AUTS2: variants seen among roughly 807,000 people sequenced by gnomAD.
AUTS2 encodes activator of transcription and developmental regulator AUTS2.
Under a neutral mutation model 112.4 loss-of-function variants are expected in AUTS2, and 17 were observed. The ratio of observed to expected loss-of-function variants is 0.15; its 90% CI spans 0.10 to 0.23. The LOEUF is 0.23. Ranked by LOEUF, AUTS2 falls within the 10% of genes least tolerant of loss-of-function variation. The pLI is 1.00. For missense variants in AUTS2, 1,510 were observed against 1,701.6 expected, an observed-to-expected ratio of 0.89 and a Z score of 1.98; for synonymous variants, 751 against 702.7, an observed-to-expected ratio of 1.07 and a Z score of -1.09.
intron 3 of AUTS2, chr7:70,119,531 AT>A (rs1805573834): frequency 6.6e-6 from 1 of 151,834 alleles, no homozygotes; most frequent in Non-Finnish European, 1.5e-5. Flanking sequence ...CGCCCAGCTA[AT>A]TTTTGTATTT....
intron 3 of AUTS2, among the ~76,000 whole-genome samples, chr7:70,122,332 G>A (rs546946789): frequency 5.3e-5 from 8 of 152,096 alleles, no homozygotes; most frequent in Non-Finnish European, 1.0e-4. Flanking sequence ...ATTAAAAAAT[G>A]ATCTGTTAAA....
chr7:70,018,703 G>A (rs570018924), intron 2 of AUTS2, among the ~76,000 whole-genome samples: 8 of 152,270 alleles, frequency 5.3e-5, no homozygotes, highest in South Asian at 2.1e-4. Flanking sequence ...ATAATCTGCC[G>A]TGGTGAGTTG....
At chr7:70,462,194 G>A (rs887964873) in intron 5 of AUTS2, among the ~76,000 whole-genome samples, 2 of 152,192 alleles carry the variant, frequency 1.3e-5, no homozygotes, top group African/African-American at 4.8e-5. Flanking sequence ...GGAGGTTGCA[G>A]TGAGCCGAGA....
intron 5 of AUTS2, among the ~76,000 whole-genome samples, chr7:70,658,507 A>G (rs1806898193): frequency 6.6e-6 from 1 of 152,346 alleles, no homozygotes; most frequent in South Asian, 2.1e-4. Flanking sequence ...CAGCCCCTCT[A>G]CAACTCCCTC....
At chr7:70,767,979 A>G (rs2129557701) in intron 9 of AUTS2, 45 bp from the exon 10 acceptor site, 1 of 1,603,404 alleles carries the variant, frequency 6.2e-7, no homozygotes, top group South Asian at 1.1e-5. Context: ...GCAGTGAACA[A>G]AAATGCAGAT....
At chr7:70,131,443 G>A (rs1033379409) in intron 3 of AUTS2, among the ~76,000 whole-genome samples, 2 of 152,158 alleles carry the variant, frequency 1.3e-5, no homozygotes, top group Non-Finnish European at 2.9e-5. Context: ...TCAATAGTTA[G>A]GGTATTATCA....
chr7:69,742,201 T>G (rs1787300107), intron 1 of AUTS2, among the ~76,000 whole-genome samples: 1 of 152,098 alleles, frequency 6.6e-6, no homozygotes, highest in African/African-American at 2.4e-5. Context: ...TATTTCTTTC[T>G]TGTGTCTCAG....
At chr7:69,848,311 T>A (rs1397234464) in intron 1 of AUTS2, among the ~76,000 whole-genome samples, 1 of 152,230 alleles carries the variant, frequency 6.6e-6, no homozygotes, top group Non-Finnish European at 1.5e-5. Flanking sequence ...CTCAGTCATT[T>A]GTTTTGATGT....
At chr7:70,689,105 C>T (rs982728402) in intron 5 of AUTS2, among the ~76,000 whole-genome samples, 2 of 152,134 alleles carry the variant, frequency 1.3e-5, no homozygotes, top group Non-Finnish European at 2.9e-5. Flanking sequence ...GCCCATAATC[C>T]CAGCACTTTG....
intron 4 of AUTS2, among the ~76,000 whole-genome samples, chr7:70,340,160 A>G (rs1396900996): frequency 6.7e-6 from 1 of 148,888 alleles, no homozygotes; most frequent in Non-Finnish European, 1.5e-5. Context: ...ATGTATGGAG[A>G]GAAACACACA....
chr7:69,840,765 A>C (rs1791943380), intron 1 of AUTS2, among the ~76,000 whole-genome samples: 1 of 152,178 alleles, frequency 6.6e-6, no homozygotes, highest in Non-Finnish European at 1.5e-5. Context: ...AAATTACATG[A>C]AACAAACACC....
intron 2 of AUTS2, among the ~76,000 whole-genome samples, chr7:69,956,247 A>AT (rs1000997667): frequency 6.6e-6 from 1 of 152,014 alleles, no homozygotes; most frequent in Admixed American, 6.6e-5. Flanking sequence ...CTTTCAAAAC[A>AT]TTTTTTGTCC....
intron 6 of AUTS2, among the ~76,000 whole-genome samples, chr7:70,735,424 G>A (rs539470945): frequency 6.6e-6 from 1 of 152,314 alleles, no homozygotes; most frequent in East Asian, 1.9e-4. Context: ...CTGGGAGGGA[G>A]GACGGGTGGC....
intron 2 of AUTS2, among the ~76,000 whole-genome samples, chr7:70,116,070 T>G (rs1805342838): frequency 6.6e-6 from 1 of 152,192 alleles, no homozygotes; most frequent in Admixed American, 6.5e-5. Flanking sequence ...TCGAAGAGAA[T>G]GACAATATTC....
intron 5 of AUTS2, among the ~76,000 whole-genome samples, chr7:70,472,176 T>A (rs924436668): frequency 2.0e-5 from 3 of 152,068 alleles, no homozygotes; most frequent in African/African-American, 7.2e-5. Flanking sequence ...AGTCCTAGAG[T>A]CCTTTGGCGT....
chr7:69,784,190 T>G (rs1004244319), intron 1 of AUTS2, among the ~76,000 whole-genome samples: 2 of 152,196 alleles, frequency 1.3e-5, no homozygotes, highest in Non-Finnish European at 2.9e-5. Flanking sequence ...CAGAAAAGAT[T>G]ACAGGGTCCT....
At chr7:70,346,928 C>T (rs1791522712) in intron 4 of AUTS2, among the ~76,000 whole-genome samples, 1 of 152,170 alleles carries the variant, frequency 6.6e-6, no homozygotes, top group Non-Finnish European at 1.5e-5. Flanking sequence ...ACATGCCTCC[C>T]TTCTGGCCAC....
intron 4 of AUTS2, among the ~76,000 whole-genome samples, chr7:70,142,689 T>C (rs1362837864): frequency 1.3e-5 from 2 of 152,188 alleles, no homozygotes; most frequent in Non-Finnish European, 2.9e-5. Flanking sequence ...AGATTGATCA[T>C]AGAGATGAAG....
intron 1 of AUTS2, among the ~76,000 whole-genome samples, chr7:69,725,478 C>CATG (rs768811517): frequency 3.3e-5 from 5 of 151,994 alleles, no homozygotes; most frequent in South Asian, 4.2e-4. Context: ...AAGGAAGTGA[C>CATG]ATGATGATGA....
Sources: gnomAD v4.1 joint callset for allele counts (sites outside exome capture counted in the v4.1 genomes callset) on GRCh38, gnomAD v4.1.1 for gene constraint, MANE v1.5 for transcripts, NCBI Gene and HGNC (gene_info 2026-07-23, HGNC 2026-07-21) for gene names.